The following ATP6V1C2 variants were observed in gnomAD, a reference collection of about 807,000 sequenced individuals.
The protein encoded by ATP6V1C2 is V-type proton ATPase subunit C 2.
Under a neutral mutation model 56.8 loss-of-function variants are expected in ATP6V1C2, and 45 were observed. The observed-to-expected ratio is 0.79, with a 90% confidence interval of 0.62 to 1.02. The LOEUF (loss-of-function observed/expected upper bound fraction) is 1.02. Among genes scored for constraint, ATP6V1C2 ranks in the 50% least tolerant of loss-of-function variants. The probability of loss-of-function intolerance (pLI) is 0.00; values close to 1 mark genes in which losing one functional copy is unlikely to be tolerated. For missense variants in ATP6V1C2, 463 were observed against 519.7 expected, an observed-to-expected ratio of 0.89 and a Z score of 1.06; for synonymous variants, 220 against 201.3, an observed-to-expected ratio of 1.09 and a Z score of -0.79.
At chr2:10,781,260 G>C (rs772738084) in intron 12 of ATP6V1C2, among the ~76,000 whole-genome samples, 1 of 152,148 alleles carries the variant, frequency 6.6e-6, no homozygotes, top group African/African-American at 2.4e-5. Flanking sequence ...AGCGCCTTAA[G>C]CTTTAAGGAC....
At chr2:10,777,868 TCCTC>T (rs750829309) in intron 11 of ATP6V1C2, 146 bp downstream of exon 11, 11 of 1,063,614 alleles carry the variant, frequency 1.0e-5, no homozygotes, top group East Asian at 2.7e-5. Context: ...AATCATGCCT[TCCTC>T]CTAATCTGCA....
chr2:10,771,914 C>T lies in ATP6V1C2; in HGVS notation c.546C>T (p.Val182=). 3 of 1,614,108 alleles carry T rather than the reference C, an allele frequency of 1.9e-6. No homozygotes were observed. The highest frequency in any genetic ancestry group is 2.5e-6 in the Non-Finnish European group (3 of 1,179,960). The change falls in exon 7 of 14, where the codon GTC becomes GTT. Residue 182 remains valine (V), a synonymous_variant. Transcript: ENST00000272238. The stretch of plus-strand genomic sequence containing the variant: ...TCGTGCTGGATTCTGAATATCTCGT[C>T]ACACTTCTGGTCATCGTCCCCAAGT... The part of the protein sequence containing the change: ...EDFVLDSEYL[V]TLLVIVPKPN...
chr2:10,754,019 T>C lies in ATP6V1C2; in HGVS notation c.236T>C (p.Met79Thr). 1 of 1,608,666 alleles carries C rather than the reference T, an allele frequency of 6.2e-7. No individual in the cohort carries two copies. Among genetic ancestry groups the C allele is most frequent in the South Asian group, 1.1e-5 (1 of 89,956 alleles). Residue 79 changes from methionine (M) to threonine (T), a missense_variant, in exon 4 of 14, where the codon ATG (methionine) becomes ACG (threonine). By Grantham distance (81) the Met-to-Thr change is moderately conservative. Transcript: ENST00000272238. ...RRMAQSVVEV[M>T]EDSKGKVQEH... ...ATGGCTCAGAGCGTGGTGGAAGTCA[T>C]GGAGGACTCAAAGGGGAAGGTCCAG...
At position 10,773,803 on chromosome 2, in the gene ATP6V1C2, G is replaced by A. The variant is rs766613556; in HGVS notation, c.639-985G>A. The stretch of plus-strand genomic sequence containing the variant: ...CTGACTCCCCACACACAGAACTCCC[G>A]GTGCAAGGCCTCTGCCCTGGGGCCC... On this transcript the variant is annotated intron_variant, in intron 8 of 13. Coordinates refer to ENST00000272238, the MANE Select transcript of ATP6V1C2 (RefSeq NM_001039362.2). Among the ~76,000 whole-genome samples the A allele has an allele frequency of 3.9e-5, 6 of 152,362 alleles. No homozygotes were observed. The East Asian group carries it at 5.8e-4, about 15-fold the overall frequency.
intron 8 of ATP6V1C2, 93 bp from the exon 9 acceptor site, chr2:10,774,695 C>G: frequency 9.3e-7 from 1 of 1,075,220 alleles, no homozygotes; most frequent in East Asian, 2.4e-5. Context: ...GCCATGGACC[C>G]CAGGTGCAGG....
chr2:10,734,805 TC>T (rs1048422229), intron 3 of ATP6V1C2, among the ~76,000 whole-genome samples: 1 of 152,168 alleles, frequency 6.6e-6, no homozygotes, highest in African/African-American at 2.4e-5. Flanking sequence ...TCCACCCTCC[TC>T]CCCGATTGTA....
chr2:10,754,400 A>G (rs914039706), intron 4 of ATP6V1C2, among the ~76,000 whole-genome samples: 4 of 150,148 alleles, frequency 2.7e-5, no homozygotes, highest in Non-Finnish European at 4.4e-5. Context: ...TAATTTTTGT[A>G]TTTTTAGTAG....
chr2:10,765,848 A>G (rs1664185110), intron 5 of ATP6V1C2, among the ~76,000 whole-genome samples: 1 of 152,122 alleles, frequency 6.6e-6, no homozygotes, highest in Non-Finnish European at 1.5e-5. Context: ...GGCCCCCTGG[A>G]GCACATGGAG....
intron 10 of ATP6V1C2, among the ~76,000 whole-genome samples, chr2:10,775,641 G>A (rs1664916616): frequency 6.6e-6 from 1 of 152,162 alleles, no homozygotes; most frequent in Non-Finnish European, 1.5e-5. Context: ...GGAGGACAGC[G>A]TAGCTCACCA....
chr2:10,760,994 C>T (rs1327869504), intron 4 of ATP6V1C2, among the ~76,000 whole-genome samples: 3 of 152,158 alleles, frequency 2.0e-5, no homozygotes. Context: ...CAGGGTACTG[C>T]GACAGGCTCT....
intron 2 of ATP6V1C2, among the ~76,000 whole-genome samples, chr2:10,725,527 C>T (rs1462075204): frequency 1.5e-5 from 2 of 136,160 alleles, no homozygotes; most frequent in Non-Finnish European, 3.1e-5. Flanking sequence ...TGCAGTCTCG[C>T]TCTGCTGACC....
At position 10,736,593 on chromosome 2, in the gene ATP6V1C2, G is replaced by A. The variant is rs572793253; in HGVS notation, c.197+10024G>A. Among the ~76,000 whole-genome samples, 15 of 152,044 alleles carry A rather than the reference G, an allele frequency of 9.9e-5. No individual in the cohort carries two copies. In the South Asian group the frequency reaches 3.1e-3, roughly 32 times the overall value. On this transcript the variant is annotated intron_variant, in intron 3 of 13. Transcript: ENST00000272238. Reference sequence around the variant, plus strand: ...TTTATAATTTTTCTGATTTCTAATAGTTTAACTTCTGCATTTATCATCTTT... The same window carrying A: ...TTTATAATTTTTCTGATTTCTAATAATTTAACTTCTGCATTTATCATCTTT...
chr2:10,768,753 G>C lies in ATP6V1C2; in HGVS notation c.413G>C (p.Arg138Pro), dbSNP rs763804757. Reference protein sequence around the residue: ...LAQIEMDLKSRTAAYNTLKTN... With the variant: ...LAQIEMDLKSPTAAYNTLKTN... ...CAGATCGAGATGGACCTGAAGTCCC[G>C]AACGGCCGCCTACAACACTCTGAAG... Residue 138 changes from arginine to proline, a missense_variant, in exon 6 of 14, where the codon CGA (arginine) becomes CCA (proline). Transcript: ENST00000272238. The C allele has an allele frequency of 1.2e-6, 2 of 1,613,898 alleles. No homozygotes were observed. Among genetic ancestry groups the C allele is most frequent in the African/African-American group, 2.7e-5 (2 of 74,916 alleles).
At chr2:10,730,726 C>T (rs897217030) in intron 3 of ATP6V1C2, among the ~76,000 whole-genome samples, 1 of 147,080 alleles carries the variant, frequency 6.8e-6, no homozygotes, top group South Asian at 2.2e-4. Context: ...AATCTCAGCT[C>T]ACTGCAACCT....
Position 10,722,978 on chromosome 2 carries a change from G to C in ATP6V1C2, c.129G>C (p.Lys43Asn), listed in dbSNP as rs1488314646. ...CCAAATTCGCTATTCCTGACTTCAA[G>C]GTAAAATTCTTGGGGAGGAGTGAAA... The part of the protein sequence containing the change: ...YNTKFAIPDF[K>N]VGTLDSLVGL... Residue 43 changes from lysine (K) to asparagine (N), a missense_variant and splice_region_variant, in exon 2 of 14, where the codon AAG becomes AAC. Coordinates refer to ENST00000272238, the MANE Select transcript of ATP6V1C2 (RefSeq NM_001039362.2). 2 of 1,613,764 alleles carry C rather than the reference G, an allele frequency of 1.2e-6. No homozygotes were observed. Among genetic ancestry groups the C allele is most frequent in the African/African-American group, 2.7e-5 (2 of 75,026 alleles).
At chr2:10,745,499 C>A (rs1662859372) in intron 3 of ATP6V1C2, among the ~76,000 whole-genome samples, 1 of 151,670 alleles carries the variant, frequency 6.6e-6, no homozygotes, top group Non-Finnish European at 1.5e-5. Flanking sequence ...GGACTACACA[C>A]CCTGGTAATT....
intron 5 of ATP6V1C2, 53 bp downstream of exon 5, chr2:10,764,478 A>G: frequency 1.3e-6 from 2 of 1,517,160 alleles, no homozygotes; most frequent in Non-Finnish European, 1.8e-6. Flanking sequence ...CAGGCGGGCA[A>G]GAGCCTGGGT....
At chr2:10,782,137 T>C (rs1013682532) in intron 12 of ATP6V1C2, 106 bp from the exon 13 acceptor site, 13 of 1,332,202 alleles carry the variant, frequency 9.8e-6, no homozygotes, top group Non-Finnish European at 1.4e-5. Flanking sequence ...TGAAGCTGTG[T>C]TGGTTGAAGC....
intron 3 of ATP6V1C2, among the ~76,000 whole-genome samples, chr2:10,735,155 C>T (rs930566223): frequency 6.6e-6 from 1 of 152,096 alleles, no homozygotes; most frequent in Non-Finnish European, 1.5e-5. Flanking sequence ...CCTGTTTTTA[C>T]TTTTTTAAAT....
Sources: allele counts gnomAD v4.1 joint callset (sites outside exome capture counted in the v4.1 genomes callset), GRCh38; gene constraint gnomAD v4.1.1; transcripts MANE v1.5; gene names NCBI Gene and HGNC (gene_info 2026-07-23, HGNC 2026-07-21).